Variants in TFEB observed in about 807,000 individuals in gnomAD.
TFEB encodes T-cell transcription factor EB.
A neutral mutation model predicts 48.0 loss-of-function variants in TFEB; 12 were observed. The observed-to-expected ratio is 0.25, with a 90% CI of 0.16 to 0.40. The LOEUF is 0.40. Among genes scored for constraint, TFEB ranks in the 10% least tolerant of loss-of-function variants. TFEB has a pLI of 1.00. For synonymous variants in TFEB, 244 were observed against 261.4 expected, an observed-to-expected ratio of 0.93 and a Z score of 0.64; for missense variants, 509 against 640.3, an observed-to-expected ratio of 0.79 and a Z score of 2.21.
At chr6:41,713,889 C>T (rs1159240665) in intron 1 of TFEB, among the ~76,000 whole-genome samples, 3 of 152,186 alleles carry the variant, frequency 2.0e-5, no homozygotes, top group Non-Finnish European at 2.9e-5. Context: ...GTCACTGTGG[C>T]AGCCCAGCCC....
chr6:41,697,408 C>CAAAAAAAAAAAAAAAAAAAAAAAAAA lies in TFEB; in HGVS notation c.-22-6174_-22-6173insTTTTTTTTTTTTTTTTTTTTTTTTTT, dbSNP rs56059829. ...GGGCAACAAGAGTGAAACTCCATCT[C>CAAAAAAAAAAAAAAAAAAAAAAAAAA]AAAAAAAAAAAAAAAAAAAGAATGA... On this transcript the variant is annotated intron_variant, in intron 1 of 8. Coordinates refer to ENST00000373033, the MANE Select transcript of TFEB (RefSeq NM_001271944.2). Among the ~76,000 whole-genome samples, 15 of 63,504 alleles carry CAAAAAAAAAAAAAAAAAAAAAAAAAA rather than the reference C, an allele frequency of 2.4e-4. 1 individual carries two copies. The highest frequency in any genetic ancestry group is 1.2e-3 in the African/African-American group (14 of 11,536). 41.7% of individuals were successfully genotyped at this position (63,504 alleles called of 152,430 possible). A position where few individuals can be genotyped will look rare whatever the true frequency, so the allele number is the denominator to read the frequency against.
intron 1 of TFEB, among the ~76,000 whole-genome samples, chr6:41,712,509 A>G (rs9462739): frequency 0.43 from 65,693 of 151,986 alleles, 15,538 homozygotes; most frequent in African/African-American, 0.63. Flanking sequence ...TCCTCCTCGG[A>G]GAACAGGACT....
intron 1 of TFEB, among the ~76,000 whole-genome samples, chr6:41,726,099 C>T (rs1426170395): frequency 2.0e-5 from 3 of 152,094 alleles, no homozygotes; most frequent in Non-Finnish European, 4.4e-5. Context: ...ACAGAGCAGA[C>T]TCCATCTCAA....
intron 1 of TFEB, among the ~76,000 whole-genome samples, chr6:41,721,368 CACAT>C (rs1211404305): frequency 7.8e-6 from 1 of 128,370 alleles, no homozygotes; most frequent in African/African-American, 3.7e-5. Flanking sequence ...ACACTAGGCA[CACAT>C]ACACACACAC....
intron 1 of TFEB, 74 bp downstream of exon 1, chr6:41,735,276 G>A: frequency 1.0e-6 from 1 of 980,370 alleles, no homozygotes; most frequent in Non-Finnish European, 1.2e-6. Context: ...CGGGACCCAC[G>A]GGATAGGGGC....
intron 1 of TFEB, among the ~76,000 whole-genome samples, chr6:41,718,941 C>T (rs772902300): frequency 2.0e-5 from 3 of 152,162 alleles, no homozygotes; most frequent in Non-Finnish European, 2.9e-5. Flanking sequence ...AGGCCACAGA[C>T]CCATACTAAT....
chr6:41,685,983 G>A, intron 8 of TFEB, 107 bp downstream of exon 8: 2 of 1,400,076 alleles, frequency 1.4e-6, no homozygotes, highest in Non-Finnish European at 1.0e-6. Context: ...TTCCTAATGG[G>A]CATTATTCCT....
intron 1 of TFEB, among the ~76,000 whole-genome samples, chr6:41,694,407 CA>C (rs1465602710): frequency 6.6e-6 from 1 of 152,116 alleles, no homozygotes; most frequent in African/African-American, 2.4e-5. Flanking sequence ...TGAGGCTCCC[CA>C]ACCCCACCGC....
chr6:41,736,079 A>G, upstream of TFEB: 1 of 1,602,240 alleles, frequency 6.2e-7, no homozygotes, highest in Non-Finnish European at 8.5e-7. Context: ...GGCGAAGTAC[A>G]GGGTAAAATA....
intron 1 of TFEB, chr6:41,733,015 TGG>T: frequency 1.0e-6 from 1 of 985,528 alleles, no homozygotes; most frequent in Non-Finnish European, 1.2e-6. Context: ...AGGGGGTGGC[TGG>T]GCTACTCCCT....
Position 41,734,339 on chromosome 6 carries a change from G to A in TFEB, c.-23+1011C>T. On this transcript the variant is annotated intron_variant, in intron 1 of 8. Transcript: ENST00000373033. The surrounding 1 kb of genome is among the most constrained non-coding windows in gnomAD (Gnocchi z 4.0). ...CGGGGCGCGGGGCTGGGGCGCGCCA[G>A]GCGGCTGCGGCGCGAACCTGCTCGC... 1.0e-6 allele frequency: 1 copy of A among 984,550 alleles called. No homozygotes were observed. The highest frequency in any genetic ancestry group is 1.2e-6 in the Non-Finnish European group (1 of 829,512). The allele number at this position is 984,550 out of a possible 1,614,324, so 61.0% of individuals were successfully genotyped here.
intron 1 of TFEB, among the ~76,000 whole-genome samples, chr6:41,694,203 CT>C (rs1169455985): frequency 6.6e-6 from 1 of 152,192 alleles, no homozygotes; most frequent in Non-Finnish European, 1.5e-5. Flanking sequence ...GACCCTGCCT[CT>C]CACTGGCTGG....
At chr6:41,713,954 C>T (rs77126919) in intron 1 of TFEB, among the ~76,000 whole-genome samples, 1,816 of 152,364 alleles carry the variant, frequency 0.012, 16 homozygotes, top group Non-Finnish European at 0.016. Flanking sequence ...AACCCCCCAG[C>T]CTGAGCTAGA....
Position 41,714,142 on chromosome 6 carries a change from T to TGTGTGCATGTGCGTGCATGTGTGC in TFEB, c.-23+21207_-23+21208insGCACACATGCACGCACATGCACAC, listed in dbSNP as rs796236647. Among the ~76,000 whole-genome samples, 445 of 65,848 alleles carry TGTGTGCATGTGCGTGCATGTGTGC rather than the reference T, an allele frequency of 6.8e-3. 4 individuals carry two copies. The highest frequency in any genetic ancestry group is 0.023 in the African/African-American group (416 of 18,132). 43.2% of individuals were successfully genotyped at this position (65,848 alleles called of 152,430 possible). ...GTGTGTGTGCGTGTGCATGTGTGCG[T>TGTGTGCATGTGCGTGCATGTGTGC]GTGTGTGCATGTGCATGCGTGTGCA... On this transcript the variant is annotated intron_variant, in intron 1 of 8. Coordinates refer to ENST00000373033, the MANE Select transcript of TFEB (RefSeq NM_001271944.2).
intron 5 of TFEB, 22 bp from the exon 6 acceptor site, chr6:41,687,831 G>C: frequency 6.2e-7 from 1 of 1,612,850 alleles, no homozygotes; most frequent in South Asian, 1.1e-5. Context: ...AAGAGAAGGA[G>C]AGAGGAGCTG....
chr6:41,735,565 A>G lies in TFEB; in HGVS notation c.-238T>C. On this transcript the variant is annotated 5_prime_UTR_variant, in exon 1 of 9. Transcript: ENST00000373033. ...CGCCCGGGCCGCCGCCTCCGCTGTCACCGAGCCCCGCGCCCGGCGCCCGGG... is the reference window on the plus strand; with the variant it reads ...CGCCCGGGCCGCCGCCTCCGCTGTCGCCGAGCCCCGCGCCCGGCGCCCGGG... 1 of 983,554 alleles carries G rather than the reference A, an allele frequency of 1.0e-6. No individual in the cohort carries two copies. Among genetic ancestry groups the G allele is most frequent in the East Asian group, 1.2e-4 (1 of 8,606 alleles). The allele number at this position is 983,554 out of a possible 1,614,324, so 60.9% of individuals were successfully genotyped here. A position where few individuals can be genotyped will look rare whatever the true frequency, so the allele number is the denominator to read the frequency against.
chr6:41,726,223 C>A (rs1771202187), intron 1 of TFEB, among the ~76,000 whole-genome samples: 1 of 152,236 alleles, frequency 6.6e-6, no homozygotes, highest in Non-Finnish European at 1.5e-5. Flanking sequence ...CGTAAAAGAA[C>A]ATGTCCAGCG....
chr6:41,705,292 C>G (rs937678144), intron 1 of TFEB, among the ~76,000 whole-genome samples: 1 of 152,204 alleles, frequency 6.6e-6, no homozygotes, highest in Non-Finnish European at 1.5e-5. Flanking sequence ...CCAGCTCCAT[C>G]TGAACAATGA....
intron 1 of TFEB, among the ~76,000 whole-genome samples, chr6:41,716,604 A>G (rs1477267702): frequency 6.6e-6 from 1 of 152,214 alleles, no homozygotes; most frequent in Non-Finnish European, 1.5e-5. Flanking sequence ...GAAGTAGAAG[A>G]TTCTGTCCTT....
Sources: gnomAD v4.1 joint callset for allele counts (sites outside exome capture counted in the v4.1 genomes callset) on GRCh38, gnomAD v4.1.1 for gene constraint, Gnocchi (gnomAD v3.1) non-coding constraint, MANE v1.5 for transcripts, NCBI Gene and HGNC (gene_info 2026-07-23, HGNC 2026-07-21) for gene names.